FUNDC2: variants seen among roughly 807,000 people sequenced by gnomAD.
FUNDC2 encodes the protein FUN14 domain-containing protein 2.
FUNDC2 carries 4 observed loss-of-function variants against 15.6 expected under a neutral mutation model. That is an observed-to-expected ratio of 0.26 (90% confidence interval 0.13 to 0.59). FUNDC2 has a LOEUF of 0.59. FUNDC2 is among the 20% of genes least tolerant of loss of function. The pLI, the probability that FUNDC2 is intolerant of heterozygous loss-of-function variation, is 0.90. For missense variants in FUNDC2, 98 were observed against 149.7 expected (o/e 0.65, Z 1.80); for synonymous variants, 44 against 56.9 (o/e 0.77, Z 1.02).
chrX:155,052,890 A>AT (rs1395650212), intron 4 of FUNDC2, among the ~76,000 whole-genome samples: 3 of 112,656 alleles, frequency 2.7e-5, no homozygotes, highest in African/African-American at 9.7e-5. Flanking sequence ...AGTAAAAAAA[A>AT]ATTTTGTAAG....
chrX:155,045,915 A>G (rs5945133), intron 2 of FUNDC2, among the ~76,000 whole-genome samples: 37,516 of 110,081 alleles, frequency 0.34, 5,309 homozygotes, highest in African/African-American at 0.52. Context: ...AACTGGCTAC[A>G]AGATGTTGCC....
chrX:155,036,424 G>A (rs782658883), intron 2 of FUNDC2, among the ~76,000 whole-genome samples: 46 of 111,983 alleles, frequency 4.1e-4, no homozygotes, highest in Non-Finnish European at 6.2e-4. Flanking sequence ...TCTTAGATAT[G>A]TGATTTGCAA....
At chrX:155,041,436 G>T (rs781879091) in intron 2 of FUNDC2, among the ~76,000 whole-genome samples, 2 of 111,415 alleles carry the variant, frequency 1.8e-5, no homozygotes, top group Non-Finnish European at 3.8e-5. Context: ...TATTTCTTGT[G>T]CTCTTCATGC....
At position 155,054,669 on chromosome X, in the gene FUNDC2, C is replaced by T. The variant is rs142142951; in HGVS notation, c.567C>T (p.Ser189=). 2 of 1,203,565 alleles carry T rather than the reference C, an allele frequency of 1.7e-6. No individual in the cohort carries two copies. ...FFGGFLLGMA[S] ...GAGGCTTTCTGCTTGGCATGGCATCCTAAGGAAGATGACCTCATGTTCATT... is the reference window on the plus strand; with the variant it reads ...GAGGCTTTCTGCTTGGCATGGCATCTTAAGGAAGATGACCTCATGTTCATT... The change falls in exon 5 of 5, where the codon TCC becomes TCT. Residue 189 remains serine (S), a synonymous_variant. Transcript: ENST00000369498.
At chrX:155,054,276 G>A (rs1309806900) in intron 4 of FUNDC2, 5 of 751,092 alleles carry the variant, frequency 6.7e-6, no homozygotes, top group Non-Finnish European at 6.3e-6. Context: ...CGCCATAACT[G>A]TCCCCATGAA....
rs145600554 is a variant in FUNDC2, at chrX:155,047,630, T to C, written c.360+1046T>C. Reference sequence around the variant, plus strand: ...CTTGTGGATCAGAGTCTCATGTGGTTACAGGCCAGATGATCAGAGGGTTAG... The same window carrying C: ...CTTGTGGATCAGAGTCTCATGTGGTCACAGGCCAGATGATCAGAGGGTTAG... On this transcript the variant is annotated intron_variant, in intron 3 of 4. Transcript: ENST00000369498. Among the ~76,000 whole-genome samples the C allele has an allele frequency of 3.1e-3, 350 of 111,153 alleles. 1 individual carries two copies. Among genetic ancestry groups the C allele is most frequent in the African/African-American group, 0.011 (332 of 30,501 alleles).
At chrX:155,029,505 G>A (rs1322801230) in intron 1 of FUNDC2, among the ~76,000 whole-genome samples, 2 of 111,007 alleles carry the variant, frequency 1.8e-5, no homozygotes, top group Non-Finnish European at 3.8e-5. Flanking sequence ...TGTAATCCCA[G>A]CACTTTGGGA....
Position 155,056,354 on chromosome X carries a change from C to T in FUNDC2, c.*1682C>T, listed in dbSNP as rs1603439121. 9.0e-6 allele frequency: 1 copy of T among 111,206 alleles called. No individual in the cohort carries two copies. The highest frequency in any genetic ancestry group is 1.9e-5 in the Non-Finnish European group (1 of 53,066). The allele number at this position is 111,206 out of a possible 1,213,427, so 9.2% of individuals were successfully genotyped here. On this transcript the variant is annotated 3_prime_UTR_variant, in exon 5 of 5. Transcript: ENST00000369498. ...GAATTATTTCTAAAAATCATAAATA[C>T]CTCATCATATCAGACATTAACAGTA...
At chrX:155,044,158 C>A (rs1209586950) in intron 2 of FUNDC2, among the ~76,000 whole-genome samples, 3 of 112,115 alleles carry the variant, frequency 2.7e-5, no homozygotes, top group Admixed American at 1.9e-4. Flanking sequence ...AAAGAGACAT[C>A]TGGCAGGATT....
intron 1 of FUNDC2, among the ~76,000 whole-genome samples, chrX:155,028,393 T>C (rs1413012779): frequency 2.7e-5 from 3 of 111,871 alleles, no homozygotes; most frequent in Non-Finnish European, 5.6e-5. Context: ...GGCACAATCA[T>C]AGCTCACTGC....
At position 155,057,398 on chromosome X, in the gene FUNDC2, A is replaced by T. The variant is rs2073910345; in HGVS notation, c.*2726A>T. On this transcript the variant is annotated 3_prime_UTR_variant, in exon 5 of 5. Coordinates refer to ENST00000369498, the MANE Select transcript of FUNDC2 (RefSeq NM_023934.4). ...GCTTAGCTAGGCACGTATTTTCTCC[A>T]GTAGCAGAGTCCAATGACGCTCTGG... 9.0e-6 allele frequency: 1 copy of T among 111,464 alleles called. No homozygotes were observed. Among genetic ancestry groups the T allele is most frequent in the Non-Finnish European group, 1.9e-5 (1 of 52,590 alleles). The allele number at this position is 111,464 out of a possible 1,213,427, so 9.2% of individuals were successfully genotyped here.
Position 155,055,370 on chromosome X carries a change from G to A in FUNDC2, c.*698G>A, listed in dbSNP as rs2073890945. 1 of 296,292 alleles carries A rather than the reference G, an allele frequency of 3.4e-6. No homozygotes were observed. The highest frequency in any genetic ancestry group is 6.1e-5 in the Admixed American group (1 of 16,344). 24.4% of individuals were successfully genotyped at this position (296,292 alleles called of 1,213,427 possible). ...TTTTATTTTGTAGAAAAGGTTTTAAGCTTTGAAATGTGAATGAAATATCCT... is the reference window on the plus strand; with the variant it reads ...TTTTATTTTGTAGAAAAGGTTTTAAACTTTGAAATGTGAATGAAATATCCT... On this transcript the variant is annotated 3_prime_UTR_variant, in exon 5 of 5. Transcript: ENST00000369498.
rs782548797 is a variant in FUNDC2 at position 155,056,494 on chromosome X, A to T, written c.*1822A>T. 9.3e-6 allele frequency: 1 copy of T among 107,314 alleles called. No individual in the cohort carries two copies. Among genetic ancestry groups the T allele is most frequent in the African/African-American group, 3.5e-5 (1 of 28,953 alleles). 8.8% of individuals were successfully genotyped at this position (107,314 alleles called of 1,213,427 possible). A position where few individuals can be genotyped will look rare whatever the true frequency, so the allele number is the denominator to read the frequency against. On this transcript the variant is annotated 3_prime_UTR_variant, in exon 5 of 5. Coordinates refer to ENST00000369498, the MANE Select transcript of FUNDC2 (RefSeq NM_023934.4). ...CACATCGTATTTGCATGATTTGGAT[A>T]AGTCTCTTAACCTTATAGATCCTCC...
intron 2 of FUNDC2, among the ~76,000 whole-genome samples, chrX:155,034,512 A>G (rs1200284728): frequency 1.8e-5 from 2 of 111,545 alleles, no homozygotes; most frequent in African/African-American, 6.5e-5. Context: ...ATGTGCATAC[A>G]TTTCTGTAGG....
In FUNDC2 at chrX:155,048,539, G is replaced by A. The variant is rs1441040969; in HGVS notation, c.360+1955G>A. Among the ~76,000 whole-genome samples, 5 of 112,085 alleles carry A rather than the reference G, an allele frequency of 4.5e-5. No individual in the cohort carries two copies. The East Asian group carries it at 1.4e-3, about 31-fold the overall frequency. On this transcript the variant is annotated intron_variant, in intron 3 of 4. Coordinates refer to ENST00000369498, the MANE Select transcript of FUNDC2 (RefSeq NM_023934.4). ...ATGACAGTACTAAAGCTTAATATTT[G>A]GTAATGCAAATTCCTCCACCTTATT...
intron 4 of FUNDC2, chrX:155,053,883 T>C: frequency 1.3e-6 from 1 of 752,161 alleles, no homozygotes; most frequent in Non-Finnish European, 1.6e-6. Flanking sequence ...GTCTCTGAAA[T>C]TGGAAGGGTG....
At position 155,033,463 on chromosome X, in the gene FUNDC2, G is replaced by A; in HGVS notation, c.194G>A (p.Trp65Ter). The change falls in exon 2 of 5, where the codon TGG becomes TAG. Residue 65 changes from tryptophan (W) to a stop codon, truncating the protein, a stop_gained. Transcript: ENST00000369498. LOFTEE classifies it high-confidence loss of function. ...GCGGAATTTGCTAAGAAGCAGCCAT[G>A]GTGGCGTAAGCTGTTCGGGCAGGAA... ...DLAEFAKKQP[W>*]WRKLFGQESG... 3 of 1,210,666 alleles carry A rather than the reference G, an allele frequency of 2.5e-6. No individual in the cohort carries two copies. The highest frequency in any genetic ancestry group is 3.4e-6 in the Non-Finnish European group (3 of 894,340).
At chrX:155,036,234 G>T (rs1023496612) in intron 2 of FUNDC2, among the ~76,000 whole-genome samples, 1 of 112,078 alleles carries the variant, frequency 8.9e-6, no homozygotes, top group East Asian at 2.8e-4. Context: ...TCTCATTGTG[G>T]TTTGAATTTG....
chrX:155,047,472 C>T, intron 3 of FUNDC2: 1 of 340,393 alleles, frequency 2.9e-6, no homozygotes, highest in East Asian at 9.7e-5. Flanking sequence ...AAGAGGGAAG[C>T]TGGTAACTGG....
Sources: gnomAD v4.1 joint callset for allele counts (sites outside exome capture counted in the v4.1 genomes callset) on GRCh38, gnomAD v4.1.1 for gene constraint, MANE v1.5 for transcripts, NCBI Gene and HGNC (gene_info 2026-07-23, HGNC 2026-07-21) for gene names.